L3HYPDH: variants seen among roughly 807,000 people sequenced by gnomAD.
L3HYPDH encodes the protein trans-3-hydroxy-L-proline dehydratase.
L3HYPDH carries 32 observed loss-of-function variants against 26.5 expected under a neutral mutation model. The ratio of observed to expected loss-of-function variants is 1.21; its 90% confidence interval spans 0.91 to 1.62. The LOEUF is 1.62. Ranked by LOEUF, L3HYPDH falls within the 40% of genes most tolerant of loss-of-function variation. L3HYPDH has a pLI of 0.00. For synonymous variants in L3HYPDH, 215 were observed against 196.6 expected, an observed-to-expected ratio of 1.09 and a Z score of -0.78; for missense variants, 554 against 476.4, an observed-to-expected ratio of 1.16 and a Z score of -1.52.
downstream of L3HYPDH, among the ~76,000 whole-genome samples, chr14:59,472,184 C>T (rs1021331728): frequency 1.3e-5 from 2 of 152,154 alleles, no homozygotes; most frequent in Non-Finnish European, 2.9e-5. Context: ...GAAGGAATGC[C>T]AATAGTAAGC....
chr14:59,485,025 C>T (rs1566570947), upstream of L3HYPDH: 1 of 1,597,344 alleles, frequency 6.3e-7, no homozygotes, highest in Non-Finnish European at 8.5e-7. Context: ...AGGACCGCTG[C>T]AAAAAAATGG....
chr14:59,484,252 A>G lies in L3HYPDH; in HGVS notation c.65T>C (p.Val22Ala). 6.3e-7 allele frequency: 1 copy of G among 1,597,810 alleles called. No homozygotes were observed. The highest frequency in any genetic ancestry group is 8.5e-7 in the Non-Finnish European group (1 of 1,179,574). Residue 22 changes from valine (V) to alanine (A), a missense_variant, in exon 1 of 5, where the codon GTG (valine) becomes GCG (alanine). Coordinates refer to ENST00000247194, the MANE Select transcript of L3HYPDH (RefSeq NM_144581.2). ...PHDPGTPVLS[V>A]VDMHTGGEPL... Reference sequence around the variant, plus strand: ...CTCGCCGCCCGTGTGCATGTCCACCACCGACAGCACCGGCGTCCCTGGATC... The same window carrying G: ...CTCGCCGCCCGTGTGCATGTCCACCGCCGACAGCACCGGCGTCCCTGGATC...
At chr14:59,476,700 A>G (rs934320508) in intron 2 of L3HYPDH, among the ~76,000 whole-genome samples, 2 of 152,258 alleles carry the variant, frequency 1.3e-5, no homozygotes, top group African/African-American at 4.8e-5. Context: ...GTGAGAGGAT[A>G]TAACATTCTG....
At chr14:59,502,759 T>TGTTTTGTTTTGTTTTG in the L3HYPDH span, among the ~76,000 whole-genome samples, 6 of 131,004 alleles carry the variant, frequency 4.6e-5, no homozygotes, top group Non-Finnish European at 9.7e-5. Context: ...GATTTTTTTT[T>TGTTTTGTTTTGTTTTG]TTTTTTTTTT....
At chr14:59,473,130 A>G (rs1889381291) in intron 4 of L3HYPDH, 40 bp from the exon 5 acceptor site, 1 of 1,545,012 alleles carries the variant, frequency 6.5e-7, no homozygotes, top group Non-Finnish European at 8.7e-7. Context: ...AAAATATTGC[A>G]CTCGTATTAT....
chr14:59,484,910 G>A, upstream of L3HYPDH: 2 of 1,428,394 alleles, frequency 1.4e-6, no homozygotes, highest in Non-Finnish European at 1.8e-6. Context: ...AATTGAAAAC[G>A]CGGGTGATAG....
the L3HYPDH span, chr14:59,494,947 TG>T: frequency 9.6e-7 from 1 of 1,037,296 alleles, no homozygotes; most frequent in East Asian, 2.5e-5. Flanking sequence ...TCTTGACACA[TG>T]TACATGTTTT....
At chr14:59,484,850 A>G (rs570889516), upstream of L3HYPDH, 1 of 1,074,612 alleles carries the variant, frequency 9.3e-7, no homozygotes, top group East Asian at 2.6e-5. Flanking sequence ...ATGTCTCTTC[A>G]GTCCCTTAGT....
chr14:59,495,285 G>T, the L3HYPDH span: 72 of 1,323,010 alleles, frequency 5.4e-5, no homozygotes, highest in Non-Finnish European at 7.2e-5. Context: ...GATTATTATA[G>T]ATTTTATGGC....
At chr14:59,494,134 G>T in the L3HYPDH span, among the ~76,000 whole-genome samples, 1 of 151,878 alleles carries the variant, frequency 6.6e-6, no homozygotes, top group Non-Finnish European at 1.5e-5. Context: ...GTGTGTGTGT[G>T]TGTGAGATAC....
chr14:59,475,835 CATTT>C (rs753538246), intron 4 of L3HYPDH, 30 bp downstream of exon 4: 2 of 1,588,586 alleles, frequency 1.3e-6, no homozygotes, highest in Non-Finnish European at 1.7e-6. Context: ...ATGAGTGACA[CATTT>C]ATAAATAAGA....
intron 1 of L3HYPDH, among the ~76,000 whole-genome samples, chr14:59,483,296 G>C (rs553887844): frequency 3.9e-4 from 60 of 152,280 alleles, no homozygotes; most frequent in African/African-American, 1.4e-3. Context: ...AGCAACATTC[G>C]TATCTTAATG....
At chr14:59,493,618 A>G in the L3HYPDH span, among the ~76,000 whole-genome samples, 1 of 152,236 alleles carries the variant, frequency 6.6e-6, no homozygotes, top group East Asian at 1.9e-4. Flanking sequence ...AAAAAGGTTG[A>G]CTATAAGATA....
chr14:59,490,868 T>TA, the L3HYPDH span, among the ~76,000 whole-genome samples: 1 of 152,186 alleles, frequency 6.6e-6, no homozygotes, highest in East Asian at 1.9e-4. Flanking sequence ...CAGGCATAGG[T>TA]ATGTCTTCAC....
upstream of L3HYPDH, chr14:59,485,616 T>G (rs945324741): frequency 6.5e-6 from 1 of 153,100 alleles, no homozygotes; most frequent in African/African-American, 2.4e-5. Flanking sequence ...TTAATTCACA[T>G]GTAGACCGCA....
At chr14:59,501,452 C>T in the L3HYPDH span, among the ~76,000 whole-genome samples, 3 of 152,010 alleles carry the variant, frequency 2.0e-5, no homozygotes, top group Admixed American at 6.6e-5. Context: ...TATATATTTC[C>T]CTGGGAAATT....
rs117316594 is a variant in L3HYPDH at position 59,482,926 on chromosome 14, T to C, written c.508+883A>G. Among the ~76,000 whole-genome samples, 272 of 152,152 alleles carry C rather than the reference T, an allele frequency of 1.8e-3. 1 individual carries two copies. The highest frequency in any genetic ancestry group is 2.8e-3 in the Non-Finnish European group (189 of 67,990). On this transcript the variant is annotated intron_variant, in intron 1 of 4. Coordinates refer to ENST00000247194, the MANE Select transcript of L3HYPDH (RefSeq NM_144581.2). Reference sequence around the variant, plus strand: ...CTGATAGAATTCAGCTCCTGGGAGGTAGTAGTCTGATGAGAAACCAGATGC... The same window carrying C: ...CTGATAGAATTCAGCTCCTGGGAGGCAGTAGTCTGATGAGAAACCAGATGC...
Position 59,484,323 on chromosome 14 carries a change from C to G in L3HYPDH, c.-7G>C. 6.3e-7 allele frequency: 1 copy of G among 1,578,376 alleles called. No homozygotes were observed. The highest frequency in any genetic ancestry group is 8.6e-7 in the Non-Finnish European group (1 of 1,169,342). On this transcript the variant is annotated 5_prime_UTR_variant, in exon 1 of 5. Coordinates refer to ENST00000247194, the MANE Select transcript of L3HYPDH (RefSeq NM_144581.2). ...CCGCCAGCGCGCTCTCCATGGTCTG[C>G]GTCGGGGGAGACGAGTACGGTCCCG...
At chr14:59,476,850 T>G (rs1428687157) in intron 2 of L3HYPDH, among the ~76,000 whole-genome samples, 1 of 152,218 alleles carries the variant, frequency 6.6e-6, no homozygotes, top group Non-Finnish European at 1.5e-5. Context: ...GCTAAGTCAC[T>G]CAATGGTAGA....
Sources: allele counts gnomAD v4.1 joint callset (sites outside exome capture counted in the v4.1 genomes callset), GRCh38; gene constraint gnomAD v4.1.1; transcripts MANE v1.5; gene names NCBI Gene and HGNC (gene_info 2026-07-23, HGNC 2026-07-21).